Variants in PDE4B observed in about 807,000 individuals in gnomAD.
The protein encoded by PDE4B is phosphodiesterase 4B.
PDE4B carries 20 observed loss-of-function variants against 82.2 expected under a neutral mutation model. The ratio of observed to expected loss-of-function variants is 0.24; its 90% CI spans 0.17 to 0.35. The LOEUF (loss-of-function observed/expected upper bound fraction) is 0.35, where lower values mean the gene tolerates loss of function less well. Among genes scored for constraint, PDE4B ranks in the 10% least tolerant of loss-of-function variants. PDE4B has a pLI of 1.00. For synonymous variants in PDE4B, 320 were observed against 318.9 expected (o/e 1.00, Z -0.04); for missense variants, 655 against 907.2 (o/e 0.72, Z 3.57).
At chr1:66,064,867 G>GA (rs35149510) in intron 3 of PDE4B, among the ~76,000 whole-genome samples, 1 of 151,200 alleles carries the variant, frequency 6.6e-6, no homozygotes, top group African/African-American at 2.4e-5. Flanking sequence ...AGGTTAAAAA[G>GA]AAAAAAAAGT....
intron 3 of PDE4B, among the ~76,000 whole-genome samples, chr1:66,191,932 C>A (rs1005872878): frequency 2.0e-5 from 3 of 152,078 alleles, no homozygotes; most frequent in African/African-American, 7.2e-5. Context: ...GGGAAAACAC[C>A]CCATGATTTC....
chr1:66,196,717 C>T (rs1389512448), intron 3 of PDE4B, among the ~76,000 whole-genome samples: 1 of 150,320 alleles, frequency 6.7e-6, no homozygotes, highest in Admixed American at 6.7e-5. Context: ...GAACAAAAAA[C>T]CAAACACCGC....
intron 3 of PDE4B, among the ~76,000 whole-genome samples, chr1:66,202,339 G>A (rs1649055619): frequency 6.6e-6 from 1 of 152,194 alleles, no homozygotes; most frequent in African/African-American, 2.4e-5. Flanking sequence ...TTGGGGTGGA[G>A]AGTTCTGTAG....
At chr1:66,249,161 A>G (rs1373166082) in intron 4 of PDE4B, among the ~76,000 whole-genome samples, 1 of 152,226 alleles carries the variant, frequency 6.6e-6, no homozygotes, top group Non-Finnish European at 1.5e-5. Flanking sequence ...TAGATCTTGT[A>G]GAACCCAAGG....
intron 3 of PDE4B, among the ~76,000 whole-genome samples, chr1:66,145,265 G>A (rs529286413): frequency 6.6e-6 from 1 of 152,222 alleles, no homozygotes; most frequent in Non-Finnish European, 1.5e-5. Context: ...AATAGGCAAG[G>A]AGCAGGCTCT....
chr1:65,888,877 T>C (rs994468466), intron 1 of PDE4B, among the ~76,000 whole-genome samples: 2 of 152,134 alleles, frequency 1.3e-5, no homozygotes, highest in East Asian at 3.8e-4. Flanking sequence ...TTTCTAGATA[T>C]TGAATTACAC....
intron 3 of PDE4B, among the ~76,000 whole-genome samples, chr1:66,089,263 A>G (rs1262086024): frequency 1.3e-5 from 2 of 152,132 alleles, no homozygotes; most frequent in Non-Finnish European, 1.5e-5. Context: ...AACAATAGCC[A>G]TCCGCTACGT....
intron 3 of PDE4B, among the ~76,000 whole-genome samples, chr1:65,921,185 G>A (rs1459910675): frequency 6.6e-6 from 1 of 151,426 alleles, no homozygotes; most frequent in African/African-American, 2.4e-5. Flanking sequence ...AGCCGGGATG[G>A]TCTCGATCTC....
At chr1:65,816,228 T>TGA (rs1553186994) in intron 1 of PDE4B, among the ~76,000 whole-genome samples, 2 of 68,332 alleles carry the variant, frequency 2.9e-5, no homozygotes, top group Non-Finnish European at 3.9e-5. Flanking sequence ...TGTGTGTGTA[T>TGA]GAGAGAGAGA....
At chr1:66,210,500 G>A (rs1649937532) in intron 3 of PDE4B, among the ~76,000 whole-genome samples, 2 of 147,574 alleles carry the variant, frequency 1.4e-5, no homozygotes, top group South Asian at 4.2e-4. Context: ...GGAGACTGAG[G>A]CAGGAGAATC....
intron 3 of PDE4B, among the ~76,000 whole-genome samples, chr1:65,938,845 T>C (rs1003128843): frequency 6.6e-5 from 10 of 152,190 alleles, no homozygotes. Context: ...TGCTGGTACA[T>C]TGGATTTTAT....
chr1:66,313,199 A>G (rs1658790095), intron 7 of PDE4B, among the ~76,000 whole-genome samples: 1 of 152,078 alleles, frequency 6.6e-6, no homozygotes, highest in Non-Finnish European at 1.5e-5. Flanking sequence ...GCAAGCTCCT[A>G]TTTATCCTTT....
intron 3 of PDE4B, among the ~76,000 whole-genome samples, chr1:66,133,971 G>C (rs1170301257): frequency 6.6e-6 from 1 of 151,562 alleles, no homozygotes; most frequent in African/African-American, 2.4e-5. Context: ...TTCAGTGGAA[G>C]AGAAGGGAAT....
intron 3 of PDE4B, among the ~76,000 whole-genome samples, chr1:65,920,933 TA>T (rs1647225468): frequency 6.7e-6 from 1 of 150,330 alleles, no homozygotes; most frequent in Non-Finnish European, 1.5e-5. Context: ...GAATTTATTT[TA>T]AAACATAAGT....
intron 3 of PDE4B, among the ~76,000 whole-genome samples, chr1:65,982,925 A>T (rs1200018065): frequency 6.6e-6 from 1 of 152,200 alleles, no homozygotes; most frequent in African/African-American, 2.4e-5. Flanking sequence ...CCATCGCCTC[A>T]TTGGTTCCAG....
chr1:65,818,400 C>T (rs1029737721), intron 1 of PDE4B, among the ~76,000 whole-genome samples: 2 of 151,998 alleles, frequency 1.3e-5, no homozygotes, highest in Admixed American at 6.6e-5. Context: ...TTTTCTCTTC[C>T]ATCCTCCTTC....
intron 3 of PDE4B, among the ~76,000 whole-genome samples, chr1:66,018,190 G>C (rs1048444257): frequency 6.6e-6 from 1 of 152,134 alleles, no homozygotes; most frequent in Non-Finnish European, 1.5e-5. Flanking sequence ...GGCCAATGCG[G>C]GCGGATCACG....
chr1:66,294,185 G>A (rs1657325034), intron 7 of PDE4B, among the ~76,000 whole-genome samples: 1 of 151,964 alleles, frequency 6.6e-6, no homozygotes, highest in Admixed American at 6.6e-5. Flanking sequence ...CACCCTGGGT[G>A]ACACAGCAAT....
intron 3 of PDE4B, among the ~76,000 whole-genome samples, chr1:66,007,218 G>T (rs956144112): frequency 2.0e-5 from 3 of 152,154 alleles, no homozygotes; most frequent in Non-Finnish European, 2.9e-5. Context: ...GTTGAGGCAG[G>T]GGGATCATTT....
Sources: gnomAD v4.1 joint callset for allele counts (sites outside exome capture counted in the v4.1 genomes callset) on GRCh38, gnomAD v4.1.1 for gene constraint, MANE v1.5 for transcripts, NCBI Gene and HGNC (gene_info 2026-07-23, HGNC 2026-07-21) for gene names.